Variants in OTOP1 observed in about 807,000 individuals in gnomAD.
OTOP1 encodes otopetrin 1.
In OTOP1, 59 loss-of-function variants were observed where a neutral mutation model predicts 52.9. The observed-to-expected ratio is 1.12, with a 90% confidence interval of 0.91 to 1.39. The LOEUF is 1.39. Ranked by LOEUF, OTOP1 falls within the 40% of genes most tolerant of loss-of-function variation. OTOP1 has a pLI of 0.00. For synonymous variants in OTOP1, 317 were observed against 337.7 expected (o/e 0.94, Z 0.67); for missense variants, 761 against 800.9 (o/e 0.95, Z 0.60).
chr4:4,226,861 G>A lies in OTOP1; in HGVS notation c.4C>T (p.Leu2Phe). The A allele has an allele frequency of 7.5e-7, 1 of 1,326,748 alleles. No homozygotes were observed. Among genetic ancestry groups the A allele is most frequent in the African/African-American group, 1.5e-5 (1 of 64,942 alleles). 82.2% of individuals were successfully genotyped at this position (1,326,748 alleles called of 1,614,324 possible). ...GAGGCGGGCGACCCCAGGCCCTCGA[G>A]CATCTTCGAGACACCCGCGCCAAGT... M[L>F]EGLGSPASPR... Residue 2 changes from leucine (L) to phenylalanine (F), a missense_variant, in exon 1 of 6, where the codon CTC becomes TTC. This residue lies in a region of OTOP1 where 73 missense variants were observed against 75.7 expected (regional missense o/e 0.96). Coordinates refer to ENST00000296358, the MANE Select transcript of OTOP1 (RefSeq NM_177998.3).
At chr4:4,211,279 TCCAAAGAA>T (rs1297475007) in intron 2 of OTOP1, among the ~76,000 whole-genome samples, 1 of 152,246 alleles carries the variant, frequency 6.6e-6, no homozygotes, top group Non-Finnish European at 1.5e-5. Context: ...TAGAAAACTT[TCCAAAGAA>T]CCTTCTCAAA....
rs1716655776 is a variant in OTOP1, at chr4:4,197,181, G to A, written c.1653C>T (p.Phe551=). 6.2e-7 allele frequency: 1 copy of A among 1,607,976 alleles called. No individual in the cohort carries two copies. The highest frequency in any genetic ancestry group is 1.7e-5 in the Admixed American group (1 of 59,268). The change falls in exon 5 of 6, where the codon TTC becomes TTT. Residue 551 remains phenylalanine (F), a synonymous_variant. Coordinates refer to ENST00000296358, the MANE Select transcript of OTOP1 (RefSeq NM_177998.3). ...KVLRNIAAFL[F]LCNISLWIPP... is the part of the protein sequence containing the mutation. ...TGCAGATTACCGAAATATTGCAGAG[G>A]AACAAGAAGGCTGCAATATTCCTCA...
intron 5 of OTOP1, among the ~76,000 whole-genome samples, chr4:4,190,727 C>A (rs1302044516): frequency 6.6e-6 from 1 of 152,164 alleles, no homozygotes; most frequent in South Asian, 2.1e-4. Flanking sequence ...GTATCCACCA[C>A]GGGGACCCTG....
At chr4:4,190,559 C>T (rs1161968952) in intron 5 of OTOP1, among the ~76,000 whole-genome samples, 1 of 152,192 alleles carries the variant, frequency 6.6e-6, no homozygotes, top group East Asian at 1.9e-4. Context: ...TGTCATTATT[C>T]TCTAAACAAT....
At chr4:4,205,630 G>C (rs773740901) in intron 3 of OTOP1, among the ~76,000 whole-genome samples, 6 of 152,124 alleles carry the variant, frequency 3.9e-5, no homozygotes, top group Non-Finnish European at 7.3e-5. Flanking sequence ...AGAGAAATAT[G>C]TTAGAACTTA....
chr4:4,214,630 A>T (rs370211379), intron 1 of OTOP1, among the ~76,000 whole-genome samples: 2 of 152,238 alleles, frequency 1.3e-5, no homozygotes, highest in African/African-American at 4.8e-5. Context: ...TAAAAAGGAA[A>T]GAAATTCTGA....
At chr4:4,204,712 C>CTG (rs10526016) in intron 3 of OTOP1, among the ~76,000 whole-genome samples, 2,862 of 149,922 alleles carry the variant, frequency 0.019, 48 homozygotes, top group African/African-American at 0.041. Context: ...TTTCCTTCAT[C>CTG]TGTGTGTGTG....
chr4:4,206,148 A>G lies in OTOP1; in HGVS notation c.541-18T>C, dbSNP rs1428677181. 6.3e-7 allele frequency: 1 copy of G among 1,575,776 alleles called. No individual in the cohort carries two copies. The highest frequency in any genetic ancestry group is 8.7e-7 in the Non-Finnish European group (1 of 1,147,970). On this transcript the variant is annotated intron_variant, in intron 2 of 5. Coordinates refer to ENST00000296358, the MANE Select transcript of OTOP1 (RefSeq NM_177998.3). ...AAATATACCTAGATGGAAATAAAGAAAGAAAAGAAAAATCGGTGAGACACT... is the reference window on the plus strand; with the variant it reads ...AAATATACCTAGATGGAAATAAAGAGAGAAAAGAAAAATCGGTGAGACACT...
chr4:4,197,873 C>G lies in OTOP1; in HGVS notation c.961G>C (p.Val321Leu), dbSNP rs140788465. The G allele has an allele frequency of 3.1e-6, 5 of 1,614,074 alleles. No individual in the cohort carries two copies. Among genetic ancestry groups the G allele is most frequent in the Non-Finnish European group, 4.2e-6 (5 of 1,180,026 alleles). The change falls in exon 5 of 6, where the codon GTG becomes CTG. Residue 321 changes from valine (V) to leucine (L), a missense_variant. Around this residue, in one of 3 missense-constraint regions of OTOP1, gnomAD observed 632 missense variants for 619.5 expected, o/e 1.02. Coordinates refer to ENST00000296358, the MANE Select transcript of OTOP1 (RefSeq NM_177998.3). ...ACCACAGCAATGGTGGCGGCCAGCA[C>G]GGTCAGGCCCAGGACTGCGCCCACC... ...VMVGAVLGLT[V>L]LAATIAVVVV... is the part of the protein sequence containing the mutation.
chr4:4,202,297 T>G, intron 4 of OTOP1, 151 bp downstream of exon 4: 2 of 1,062,750 alleles, frequency 1.9e-6, no homozygotes, highest in South Asian at 2.9e-5. Flanking sequence ...TTGGAAGATT[T>G]TCAACAACAG....
chr4:4,213,745 G>C (rs1359106520), intron 1 of OTOP1, among the ~76,000 whole-genome samples: 4 of 151,992 alleles, frequency 2.6e-5, no homozygotes, highest in African/African-American at 9.7e-5. Context: ...CCACCTTTTG[G>C]ATACTGAAAA....
intron 1 of OTOP1, among the ~76,000 whole-genome samples, chr4:4,218,769 A>T (rs1717207105): frequency 1.3e-5 from 2 of 152,084 alleles, no homozygotes; most frequent in Admixed American, 1.3e-4. Flanking sequence ...CTCTACCAAA[A>T]ACACAAAACA....
chr4:4,209,500 T>G (rs1347495832), intron 2 of OTOP1, among the ~76,000 whole-genome samples: 1 of 152,148 alleles, frequency 6.6e-6, no homozygotes, highest in Admixed American at 6.5e-5. Context: ...TTTTGAAAAT[T>G]CACATCTGTC....
intron 1 of OTOP1, among the ~76,000 whole-genome samples, chr4:4,216,091 G>A (rs28575928): frequency 0.041 from 6,182 of 152,122 alleles, 415 homozygotes; most frequent in African/African-American, 0.14. Flanking sequence ...GAGTCACTGA[G>A]CCCGGCTGAA....
rs150169055 is a variant in OTOP1, at chr4:4,197,654, A to T, written c.1180T>A (p.Leu394Met). The change falls in exon 5 of 6, where the codon TTG becomes ATG. Residue 394 changes from leucine (L) to methionine (M), a missense_variant. Leu to Met is a conservative substitution (Grantham distance 15). Around this residue, in one of 3 missense-constraint regions of OTOP1, gnomAD observed 632 missense variants for 619.5 expected, o/e 1.02. Coordinates refer to ENST00000296358, the MANE Select transcript of OTOP1 (RefSeq NM_177998.3). The part of the protein sequence containing the change: ...NPARKLDSDL[L>M]VGTASGSWLI... ...CAGGAGCCCGAGGCAGTGCCCACCA[A>T]GAGGTCCGAGTCCAGTTTGCGGGCC... 60 of 1,613,632 alleles carry T rather than the reference A, an allele frequency of 3.7e-5. No individual in the cohort carries two copies. Among genetic ancestry groups the T allele is most frequent in the African/African-American group, 1.3e-4 (10 of 74,836 alleles).
chr4:4,215,172 G>C, intron 1 of OTOP1, among the ~76,000 whole-genome samples: 1 of 152,280 alleles, frequency 6.6e-6, no homozygotes, highest in South Asian at 2.1e-4. Context: ...AAAACTAGAA[G>C]GCAGGTGCTG....
At chr4:4,198,693 G>A (rs1716708570) in intron 4 of OTOP1, among the ~76,000 whole-genome samples, 1 of 152,172 alleles carries the variant, frequency 6.6e-6, no homozygotes, top group African/African-American at 2.4e-5. Flanking sequence ...CGATATCGGT[G>A]CGGGGAAAGT....
chr4:4,225,094 G>A (rs571710563), intron 1 of OTOP1, among the ~76,000 whole-genome samples: 3 of 152,332 alleles, frequency 2.0e-5, no homozygotes, highest in African/African-American at 7.2e-5. Context: ...CCACTCTAAT[G>A]GAGATTTAAA....
intron 2 of OTOP1, among the ~76,000 whole-genome samples, chr4:4,210,839 A>C (rs1452782017): frequency 1.3e-5 from 2 of 152,128 alleles, no homozygotes; most frequent in African/African-American, 2.4e-5. Flanking sequence ...CAAAAAAATA[A>C]AAAACAAAGA....
Sources: allele counts gnomAD v4.1 joint callset (sites outside exome capture counted in the v4.1 genomes callset), GRCh38; gene constraint gnomAD v4.1.1; regional missense constraint gnomAD v4.1.1; transcripts MANE v1.5; gene names NCBI Gene and HGNC (gene_info 2026-07-23, HGNC 2026-07-21).